Variants in ATP11A observed in about 807,000 individuals in gnomAD.
ATP11A encodes the protein ATPase phospholipid transporting 11A.
ATP11A carries 81 observed loss-of-function variants against 154.4 expected under a neutral mutation model. The ratio of observed to expected loss-of-function variants is 0.52; its 90% CI spans 0.44 to 0.63. ATP11A has a LOEUF of 0.63. ATP11A is among the 30% of genes least tolerant of loss of function. ATP11A has a pLI of 0.00. For synonymous variants in ATP11A, 623 were observed against 585.9 expected (o/e 1.06, Z -0.91); for missense variants, 1,316 against 1,474.3 (o/e 0.89, Z 1.76).
chr13:112,742,315 T>C (rs561130925), intron 1 of ATP11A, among the ~76,000 whole-genome samples: 119 of 152,238 alleles, frequency 7.8e-4, no homozygotes, highest in African/African-American at 2.8e-3. Context: ...GGTGCTGTCC[T>C]GTCACCTCCC....
rs550575858 is a variant in ATP11A, at chr13:112,732,517, T to C, written c.39+42062T>C. On this transcript the variant is annotated intron_variant, in intron 1 of 29. Transcript: ENST00000375645. ...CCATCTCTCTCCAGCTGCATCTCTC[T>C]GCATTTTCTCTTCTGGCCTTTGTGG... is the stretch of plus-strand genomic sequence containing the variant. 2.0e-5 allele frequency among the ~76,000 whole-genome samples: 3 copies of C among 152,280 alleles called. No individual in the cohort carries two copies. The East Asian group carries it at 5.8e-4, about 29-fold the overall frequency.
chr13:112,775,878 CA>C (rs1301398704), intron 1 of ATP11A, among the ~76,000 whole-genome samples: 1 of 152,240 alleles, frequency 6.6e-6, no homozygotes, highest in African/African-American at 2.4e-5. Flanking sequence ...CCCCCAGTTC[CA>C]ACTTGGGGTC....
intron 17 of ATP11A, among the ~76,000 whole-genome samples, chr13:112,849,234 T>C (rs1460365175): frequency 6.6e-6 from 1 of 152,238 alleles, no homozygotes; most frequent in Non-Finnish European, 1.5e-5. Flanking sequence ...TGGATTCAGT[T>C]TGCTAGTATT....
At chr13:112,865,019 A>AC (rs1161915779) in intron 25 of ATP11A, among the ~76,000 whole-genome samples, 1 of 150,040 alleles carries the variant, frequency 6.7e-6, no homozygotes, top group East Asian at 2.0e-4. Flanking sequence ...AGTGGGGACC[A>AC]TCACCACGTG....
chr13:112,811,005 A>C (rs956234258), intron 5 of ATP11A, among the ~76,000 whole-genome samples: 2 of 151,956 alleles, frequency 1.3e-5, no homozygotes, highest in Non-Finnish European at 2.9e-5. Flanking sequence ...TCTTTGGCAA[A>C]ACAGACTGAG....
intron 1 of ATP11A, among the ~76,000 whole-genome samples, chr13:112,781,347 C>T (rs1432329307): frequency 1.3e-5 from 2 of 152,188 alleles, no homozygotes; most frequent in East Asian, 1.9e-4. Flanking sequence ...GCAGGGACCC[C>T]GTTTTGTCTA....
At chr13:112,861,480 T>C (rs936674496) in intron 24 of ATP11A, among the ~76,000 whole-genome samples, 1 of 152,226 alleles carries the variant, frequency 6.6e-6, no homozygotes, top group African/African-American at 2.4e-5. Flanking sequence ...CACCCAGCTT[T>C]CCCTGCACTT....
intron 1 of ATP11A, among the ~76,000 whole-genome samples, chr13:112,738,781 C>G (rs1891250134): frequency 6.7e-6 from 1 of 149,846 alleles, no homozygotes; most frequent in Non-Finnish European, 1.5e-5. Context: ...TGTGGGATGA[C>G]TGTTCCCATA....
intron 3 of ATP11A, among the ~76,000 whole-genome samples, chr13:112,805,688 A>AG (rs1365495023): frequency 3.3e-5 from 5 of 151,558 alleles, no homozygotes; most frequent in South Asian, 2.1e-4. Flanking sequence ...AAAAAAAAAA[A>AG]AGAGAAAGAA....
chr13:112,690,249 G>C lies in ATP11A; in HGVS notation c.-168G>C, dbSNP rs1357693996. 2 of 229,342 alleles carry C rather than the reference G, an allele frequency of 8.7e-6. No individual in the cohort carries two copies. Among genetic ancestry groups the C allele is most frequent in the Non-Finnish European group, 1.5e-5 (2 of 137,698 alleles). The allele number at this position is 229,342 out of a possible 1,614,324, so 14.2% of individuals were successfully genotyped here. ...GCCGCGGACCCAGCATTCGCCGGCCGGGCCGGGCATGAGCGCGGAGGGGCC... is the reference window on the plus strand; with the variant it reads ...GCCGCGGACCCAGCATTCGCCGGCCCGGCCGGGCATGAGCGCGGAGGGGCC... On this transcript the variant is annotated 5_prime_UTR_variant, in exon 1 of 30. Transcript: ENST00000375645. This position sits in a 1 kb window ranked among gnomAD's most constrained non-coding sequence, Gnocchi z 5.6.
intron 1 of ATP11A, among the ~76,000 whole-genome samples, chr13:112,710,624 CT>C (rs1159166342): frequency 6.6e-6 from 1 of 152,230 alleles, no homozygotes; most frequent in African/African-American, 2.4e-5. Flanking sequence ...CTGGGTTTTC[CT>C]GGGCCTGGGC....
At position 112,873,632 on chromosome 13, in the gene ATP11A, G is replaced by A. The variant is rs372446888; in HGVS notation, c.3117G>A (p.Leu1039=). The change falls in exon 27 of 30, where the codon CTG becomes CTA. Residue 1039 remains leucine, a synonymous_variant. Transcript: ENST00000375645. ...ACCATTTTGTCATCTGGGGGTCGCT[G>A]CTGTTCTACGTTGTCTTTTCGCTTC... ...WINHFVIWGS[L]LFYVVFSLLW... The A allele has an allele frequency of 1.9e-6, 3 of 1,613,486 alleles. No individual in the cohort carries two copies. Among genetic ancestry groups the A allele is most frequent in the Non-Finnish European group, 2.5e-6 (3 of 1,179,888 alleles).
chr13:112,809,492 C>G (rs934992092), intron 4 of ATP11A, among the ~76,000 whole-genome samples: 3 of 152,174 alleles, frequency 2.0e-5, no homozygotes, highest in Admixed American at 2.0e-4. Flanking sequence ...CTCTTGCAAC[C>G]TACCTGCAGC....
At chr13:112,756,902 C>G (rs2076853330) in intron 1 of ATP11A, among the ~76,000 whole-genome samples, 1 of 152,028 alleles carries the variant, frequency 6.6e-6, no homozygotes, top group African/African-American at 2.4e-5. Flanking sequence ...CTGCTCCCAG[C>G]GCGGGGCCTG....
intron 1 of ATP11A, among the ~76,000 whole-genome samples, chr13:112,733,668 T>G (rs1376334899): frequency 6.6e-6 from 1 of 152,098 alleles, no homozygotes; most frequent in African/African-American, 2.4e-5. Context: ...GAAGGAGTAT[T>G]GCACAGAATG....
chr13:112,836,070 A>G, intron 15 of ATP11A, 108 bp from the exon 16 acceptor site: 3 of 712,138 alleles, frequency 4.2e-6, no homozygotes, highest in Non-Finnish European at 4.7e-6. Flanking sequence ...CCCCTGAGGA[A>G]GGGCCAGGGC....
At chr13:112,711,455 A>G (rs1887740962) in intron 1 of ATP11A, among the ~76,000 whole-genome samples, 1 of 152,082 alleles carries the variant, frequency 6.6e-6, no homozygotes, top group Non-Finnish European at 1.5e-5. Flanking sequence ...ACATACGTAA[A>G]TAAAATAAAA....
chr13:112,780,911 T>C (rs1289457862), intron 1 of ATP11A, among the ~76,000 whole-genome samples: 1 of 152,204 alleles, frequency 6.6e-6, no homozygotes, highest in African/African-American at 2.4e-5. Context: ...TGGCTGATCC[T>C]GTCTGGGAAC....
rs552537554 is a variant in ATP11A at position 112,753,120 on chromosome 13, C to T, written c.40-32015C>T. On this transcript the variant is annotated intron_variant, in intron 1 of 29. Coordinates refer to ENST00000375645, the MANE Select transcript of ATP11A (RefSeq NM_015205.3). This position sits in a 1 kb window ranked among gnomAD's most constrained non-coding sequence, Gnocchi z 4.1. ...CATATACGGTGGCTTACAGTTACCC[C>T]GGCCCAGACTTTTTTCTCTCTGTCC... is the stretch of plus-strand genomic sequence containing the variant. 1.4e-3 allele frequency among the ~76,000 whole-genome samples: 219 copies of T among 152,240 alleles called. 1 individual carries two copies. The highest frequency in any genetic ancestry group is 4.8e-3 in the African/African-American group (200 of 41,532).
Sources: gnomAD v4.1 joint callset for allele counts (sites outside exome capture counted in the v4.1 genomes callset) on GRCh38, gnomAD v4.1.1 for gene constraint, Gnocchi (gnomAD v3.1) non-coding constraint, MANE v1.5 for transcripts, NCBI Gene and HGNC (gene_info 2026-07-23, HGNC 2026-07-21) for gene names.